ANK2: variants seen among roughly 807,000 people sequenced by gnomAD.
The protein encoded by ANK2 is ankyrin 2.
ANK2 carries 83 observed loss-of-function variants against 360.5 expected under a neutral mutation model. The observed-to-expected ratio is 0.23, with a 90% CI of 0.19 to 0.28. The LOEUF (loss-of-function observed/expected upper bound fraction) is 0.28. ANK2 is among the 10% of genes least tolerant of loss of function. ANK2 has a pLI of 1.00. For missense variants in ANK2, 4,201 were observed against 4,795.7 expected, an observed-to-expected ratio of 0.88 and a Z score of 3.66; for synonymous variants, 1,740 against 1,759.5, an observed-to-expected ratio of 0.99 and a Z score of 0.28.
chr4:113,197,299 C>T (rs891870648), intron 3 of ANK2, among the ~76,000 whole-genome samples: 1 of 152,148 alleles, frequency 6.6e-6, no homozygotes, highest in Non-Finnish European at 1.5e-5. Flanking sequence ...ATGCACGGGA[C>T]GCTTGGCAAA....
chr4:112,979,437 C>T (rs2042430827), intron 2 of ANK2, among the ~76,000 whole-genome samples: 1 of 152,216 alleles, frequency 6.6e-6, no homozygotes, highest in Non-Finnish European at 1.5e-5. Context: ...GCTCGGAGAG[C>T]CCCTAGGTCT....
At chr4:113,244,204 A>G (rs1035641093) in intron 9 of ANK2, among the ~76,000 whole-genome samples, 1 of 152,112 alleles carries the variant, frequency 6.6e-6, no homozygotes, top group Non-Finnish European at 1.5e-5. Context: ...CTAACTGTAT[A>G]CATTGTATAA....
intron 1 of ANK2, among the ~76,000 whole-genome samples, chr4:112,849,456 C>A (rs750922198): frequency 6.6e-6 from 1 of 152,190 alleles, no homozygotes; most frequent in Non-Finnish European, 1.5e-5. Flanking sequence ...TACATTCTCT[C>A]TCTCCCCCAG....
intron 1 of ANK2, among the ~76,000 whole-genome samples, chr4:112,885,423 C>T (rs574271202): frequency 2.5e-4 from 37 of 149,978 alleles, no homozygotes; most frequent in Middle Eastern, 7.0e-3. Flanking sequence ...CGCTTGAACC[C>T]GGGAAGCCGA....
At chr4:113,056,240 T>C (rs1216215011) in intron 1 of ANK2, among the ~76,000 whole-genome samples, 1 of 152,198 alleles carries the variant, frequency 6.6e-6, no homozygotes, top group African/African-American at 2.4e-5. Context: ...TAGCTCTAAT[T>C]ATTCTCTTGA....
the ANK2 span, among the ~76,000 whole-genome samples, chr4:112,802,620 A>C: frequency 6.6e-6 from 1 of 152,108 alleles, no homozygotes; most frequent in South Asian, 2.1e-4. Context: ...CTGTTTTTGC[A>C]CAAAGCAACT....
chr4:112,787,478 G>A, the ANK2 span, among the ~76,000 whole-genome samples: 1 of 152,170 alleles, frequency 6.6e-6, no homozygotes, highest in African/African-American at 2.4e-5. Context: ...TTGTTTTCTG[G>A]TGTCTTCTTA....
At chr4:113,256,000 A>G (rs1045035599) in intron 11 of ANK2, 68 bp downstream of exon 11, 1 of 1,525,728 alleles carries the variant, frequency 6.6e-7, no homozygotes, top group Non-Finnish European at 9.0e-7. Context: ...TCATTGACCA[A>G]CATGCATACA....
intron 4 of ANK2, among the ~76,000 whole-genome samples, chr4:113,215,469 G>A (rs1315657806): frequency 4.6e-5 from 7 of 152,102 alleles, no homozygotes; most frequent in Non-Finnish European, 1.0e-4. Context: ...GACTGGAGTT[G>A]AGAACAATAT....
intron 2 of ANK2, among the ~76,000 whole-genome samples, chr4:112,993,167 C>T (rs1234731575): frequency 6.6e-6 from 1 of 151,892 alleles, no homozygotes; most frequent in Non-Finnish European, 1.5e-5. Flanking sequence ...CCCTGTAGTC[C>T]CAGGTACTCA....
At chr4:112,732,463 T>C in the ANK2 span, among the ~76,000 whole-genome samples, 1 of 152,074 alleles carries the variant, frequency 6.6e-6, no homozygotes, top group Non-Finnish European at 1.5e-5. Context: ...CCCAGGCTAG[T>C]CTCAAACTTC....
At chr4:113,359,411 T>C in intron 38 of ANK2, 112 bp downstream of exon 38, 2 of 1,374,188 alleles carry the variant, frequency 1.5e-6, no homozygotes, top group Non-Finnish European at 2.0e-6. Context: ...TTAAGCTTTC[T>C]GTAGTGGCTA....
At chr4:113,075,868 G>T (rs1401310867) in intron 1 of ANK2, among the ~76,000 whole-genome samples, 1 of 152,122 alleles carries the variant, frequency 6.6e-6, no homozygotes, top group Non-Finnish European at 1.5e-5. Context: ...TTAGCAACAA[G>T]ATCTTAGTAT....
At position 113,269,244 on chromosome 4, in the gene ANK2, T is replaced by C. The variant is rs138306320; in HGVS notation, c.1485+4249T>C. Among the ~76,000 whole-genome samples, 1,461 of 152,300 alleles carry C rather than the reference T, an allele frequency of 9.6e-3. 33 individuals are homozygous for C. Among genetic ancestry groups the C allele is most frequent in the African/African-American group, 0.033 (1,383 of 41,568 alleles). Reference sequence around the variant, plus strand: ...GGTGGGATCCACTGAGCTAGACCACTTGGCTTCCTGGCTTCAGCCCCCTTT... The same window carrying C: ...GGTGGGATCCACTGAGCTAGACCACCTGGCTTCCTGGCTTCAGCCCCCTTT... On this transcript the variant is annotated intron_variant, in intron 14 of 45. Transcript: ENST00000357077.
chr4:113,000,880 T>TATCACCA (rs1335019375), intron 2 of ANK2, among the ~76,000 whole-genome samples: 1 of 129,732 alleles, frequency 7.7e-6, no homozygotes, highest in Non-Finnish European at 1.6e-5. Flanking sequence ...GGAAGGAGAT[T>TATCACCA]ATCACCAGAT....
intron 1 of ANK2, chr4:113,141,283 C>T: frequency 6.6e-6 from 1 of 152,154 alleles, no homozygotes; most frequent in Non-Finnish European, 1.5e-5. Context: ...TTTTCATCCT[C>T]CCTGTGAGTC....
rs371565231 is a variant in ANK2, at chr4:113,138,000, T to A, written c.85-36416T>A. 8.9e-4 allele frequency among the ~76,000 whole-genome samples: 136 copies of A among 152,318 alleles called. 4 individuals carry two copies. The South Asian group carries it at 0.027, about 31-fold the overall frequency. On this transcript the variant is annotated intron_variant, in intron 1 of 45. Coordinates refer to ENST00000357077, the MANE Select transcript of ANK2 (RefSeq NM_001148.6). ...GATTGCTTATAAAGTGATTTTGTTTTCCAAACAAAAGTAGGGCAAGATTGA... is the reference window on the plus strand; with the variant it reads ...GATTGCTTATAAAGTGATTTTGTTTACCAAACAAAAGTAGGGCAAGATTGA...
intron 17 of ANK2, among the ~76,000 whole-genome samples, chr4:113,280,260 G>A (rs29381): frequency 0.029 from 4,355 of 152,292 alleles, 104 homozygotes; most frequent in East Asian, 0.069. Flanking sequence ...CTACTTGTAA[G>A]AGAAGACCTA....
upstream of ANK2, among the ~76,000 whole-genome samples, chr4:113,045,604 T>C (rs1386460675): frequency 6.6e-6 from 1 of 152,216 alleles, no homozygotes; most frequent in African/African-American, 2.4e-5. Flanking sequence ...ATCTGTCATA[T>C]GCTGGCACTC....
Sources: allele counts gnomAD v4.1 joint callset (sites outside exome capture counted in the v4.1 genomes callset), GRCh38; gene constraint gnomAD v4.1.1; transcripts MANE v1.5; gene names NCBI Gene and HGNC (gene_info 2026-07-23, HGNC 2026-07-21).